The following PRKG1 variants were observed in gnomAD, a reference collection of about 807,000 sequenced individuals.
PRKG1 encodes the protein protein kinase cGMP-dependent 1, also known as cGMP-dependent protein kinase 1.
A neutral mutation model predicts 88.1 loss-of-function variants in PRKG1; 35 were observed. The ratio of observed to expected loss-of-function variants is 0.40; its 90% CI spans 0.30 to 0.53. The LOEUF (loss-of-function observed/expected upper bound fraction) is 0.53. Among genes scored for constraint, PRKG1 ranks in the 20% least tolerant of loss-of-function variants. The pLI is 0.59. For missense variants in PRKG1, 540 were observed against 839.8 expected (o/e 0.64, Z 4.41); for synonymous variants, 303 against 292.5 (o/e 1.04, Z -0.37).
At chr10:51,155,706 G>T (rs1426879657) in intron 2 of PRKG1, among the ~76,000 whole-genome samples, 2 of 151,902 alleles carry the variant, frequency 1.3e-5, no homozygotes, top group African/African-American at 4.8e-5. Context: ...TACAGGGTAA[G>T]GCCCATTGAT....
chr10:51,965,856 T>C (rs375149073), intron 5 of PRKG1, among the ~76,000 whole-genome samples: 79 of 152,170 alleles, frequency 5.2e-4, no homozygotes, highest in African/African-American at 1.7e-3. Context: ...AAGAGTTAGT[T>C]GCGAATGTCA....
intron 2 of PRKG1, among the ~76,000 whole-genome samples, chr10:51,371,347 G>A (rs1269682860): frequency 1.3e-5 from 2 of 151,554 alleles, no homozygotes; most frequent in African/African-American, 4.9e-5. Flanking sequence ...AGACCAGCCT[G>A]AGCAACATTA....
intron 5 of PRKG1, among the ~76,000 whole-genome samples, chr10:51,977,142 C>T (rs1843857401): frequency 1.3e-5 from 2 of 151,884 alleles, no homozygotes; most frequent in South Asian, 4.1e-4. Flanking sequence ...CCAATAGGCC[C>T]AAGTGTCTGC....
intron 2 of PRKG1, among the ~76,000 whole-genome samples, chr10:51,370,771 A>G (rs889031538): frequency 2.0e-5 from 3 of 152,166 alleles, no homozygotes; most frequent in Non-Finnish European, 4.4e-5. Flanking sequence ...AAAATTACTA[A>G]TCAGGTATTT....
intron 3 of PRKG1, among the ~76,000 whole-genome samples, chr10:51,505,450 T>C (rs1841169323): frequency 6.6e-6 from 1 of 152,212 alleles, no homozygotes; most frequent in Non-Finnish European, 1.5e-5. Context: ...GTTGTGTCTC[T>C]GCTAGGCTTT....
chr10:52,042,844 G>T (rs767620742), intron 5 of PRKG1, among the ~76,000 whole-genome samples: 1 of 151,804 alleles, frequency 6.6e-6, no homozygotes, highest in Admixed American at 6.6e-5. Flanking sequence ...ATTAATGTCT[G>T]GTCTATGTAA....
intron 5 of PRKG1, among the ~76,000 whole-genome samples, chr10:51,955,700 T>C (rs565519523): frequency 6.6e-6 from 1 of 152,300 alleles, no homozygotes; most frequent in Admixed American, 6.5e-5. Context: ...CATGTTCTCT[T>C]AATGTTAACT....
intron 5 of PRKG1, among the ~76,000 whole-genome samples, chr10:51,975,768 A>C (rs1843816991): frequency 6.6e-6 from 1 of 152,050 alleles, no homozygotes; most frequent in South Asian, 2.1e-4. Context: ...TATGACACTA[A>C]AACTAAAAAT....
intron 2 of PRKG1, chr10:51,320,123 A>G (rs1450061178): frequency 6.1e-6 from 1 of 164,700 alleles, no homozygotes; most frequent in Non-Finnish European, 1.4e-5. Flanking sequence ...GAATGGGCTA[A>G]ATACTTTGCC....
At chr10:51,575,659 A>T (rs141508351) in intron 3 of PRKG1, among the ~76,000 whole-genome samples, 1 of 152,058 alleles carries the variant, frequency 6.6e-6, no homozygotes, top group Non-Finnish European at 1.5e-5. Flanking sequence ...CAATAAGTTT[A>T]TATACATGTG....
At chr10:51,262,177 T>C (rs1839729078) in intron 2 of PRKG1, among the ~76,000 whole-genome samples, 1 of 152,258 alleles carries the variant, frequency 6.6e-6, no homozygotes, top group African/African-American at 2.4e-5. Context: ...TGAGCCACTG[T>C]GCCCGGCCAG....
chr10:51,247,534 C>A (rs1839322277), intron 2 of PRKG1, among the ~76,000 whole-genome samples: 1 of 151,732 alleles, frequency 6.6e-6, no homozygotes. Flanking sequence ...AAATTTACAC[C>A]CTTAACAATT....
At chr10:51,666,227 A>G (rs569449232) in intron 3 of PRKG1, among the ~76,000 whole-genome samples, 1 of 152,344 alleles carries the variant, frequency 6.6e-6, no homozygotes, top group South Asian at 2.1e-4. Context: ...GCTAGGGCAC[A>G]ATCTCTGCTG....
intron 3 of PRKG1, among the ~76,000 whole-genome samples, chr10:51,486,697 G>A (rs910013083): frequency 4.6e-5 from 7 of 152,150 alleles, no homozygotes; most frequent in African/African-American, 1.4e-4. Context: ...CTTTTCAAGC[G>A]ACTGCTGAGT....
At chr10:51,575,295 C>T (rs1431230365) in intron 3 of PRKG1, among the ~76,000 whole-genome samples, 2 of 152,076 alleles carry the variant, frequency 1.3e-5, no homozygotes, top group African/African-American at 4.8e-5. Context: ...GGTTAGGCCT[C>T]TCCAGATGGT....
At chr10:52,023,846 C>A (rs1195333356) in intron 5 of PRKG1, among the ~76,000 whole-genome samples, 2 of 152,072 alleles carry the variant, frequency 1.3e-5, no homozygotes, top group East Asian at 3.9e-4. Context: ...CAAAAATTTT[C>A]TCGCATTCTG....
At chr10:51,574,655 C>T (rs899809021) in intron 3 of PRKG1, among the ~76,000 whole-genome samples, 1 of 151,900 alleles carries the variant, frequency 6.6e-6, no homozygotes, top group Non-Finnish European at 1.5e-5. Flanking sequence ...TCTCTTTGAA[C>T]CTCAATTTCT....
At chr10:51,287,266 T>C (rs1020610677) in intron 2 of PRKG1, among the ~76,000 whole-genome samples, 1 of 152,298 alleles carries the variant, frequency 6.6e-6, no homozygotes, top group Admixed American at 6.5e-5. Flanking sequence ...TGTAGAGTAT[T>C]TACTGAGGGC....
chr10:52,138,303 G>A (rs113760049), intron 8 of PRKG1, among the ~76,000 whole-genome samples: 99 of 152,126 alleles, frequency 6.5e-4, no homozygotes, highest in Non-Finnish European at 1.2e-3. Flanking sequence ...CAGTTCCTGG[G>A]CCCTACTGGC....
Sources: gnomAD v4.1 joint callset for allele counts (sites outside exome capture counted in the v4.1 genomes callset) on GRCh38, gnomAD v4.1.1 for gene constraint, MANE v1.5 for transcripts, NCBI Gene and HGNC (gene_info 2026-07-23, HGNC 2026-07-21) for gene names.